HTR2C: variants seen among roughly 807,000 people sequenced by gnomAD.
The protein encoded by HTR2C is 5-hydroxytryptamine (serotonin) receptor 2C, G protein-coupled.
In HTR2C, 5 loss-of-function variants were observed where a neutral mutation model predicts 21.0. The observed-to-expected ratio is 0.24, with a 90% CI of 0.12 to 0.50. HTR2C has a LOEUF of 0.50. Ranked by LOEUF, HTR2C falls within the 20% of genes least tolerant of loss-of-function variation. The probability of loss-of-function intolerance (pLI) is 0.98; values close to 1 mark genes in which losing one functional copy is unlikely to be tolerated. For synonymous variants in HTR2C, 150 were observed against 145.3 expected (o/e 1.03, Z -0.23); for missense variants, 271 against 371.2 (o/e 0.73, Z 2.22).
At chrX:114,604,742 G>A (rs1487979763) in intron 1 of HTR2C, among the ~76,000 whole-genome samples, 1 of 111,117 alleles carries the variant, frequency 9.0e-6, no homozygotes, top group Non-Finnish European at 1.9e-5. Flanking sequence ...TTGGCCTGGT[G>A]GTCAGATTTC....
chrX:114,876,487 G>T (rs782309579), intron 5 of HTR2C, among the ~76,000 whole-genome samples: 210 of 83,483 alleles, frequency 2.5e-3, no homozygotes, highest in African/African-American at 8.6e-3. Flanking sequence ...GAATAGAAGT[G>T]GCACGAGTGG....
chrX:114,638,100 T>A (rs1929921130), intron 2 of HTR2C, among the ~76,000 whole-genome samples: 1 of 111,413 alleles, frequency 9.0e-6, no homozygotes, highest in African/African-American at 3.3e-5. Flanking sequence ...ATGACTCAGG[T>A]TAAACAGAAT....
intron 5 of HTR2C, among the ~76,000 whole-genome samples, chrX:114,855,233 T>A (rs782753617): frequency 1.7e-4 from 19 of 111,610 alleles, no homozygotes; most frequent in African/African-American, 5.8e-4. Context: ...TACATTAAAA[T>A]CCACTAATGT....
At position 114,727,060 on chromosome X, in the gene HTR2C, C is replaced by A. The variant is rs187644379; in HGVS notation, c.35+89C>A. ...TGTTAAAAAAATGCTTCTATATGAT[C>A]AGCTATATTTGCCTAAATCTGCATA... On this transcript the variant is annotated intron_variant, in intron 3 of 5. Transcript: ENST00000276198. 153 of 518,341 alleles carry A rather than the reference C, an allele frequency of 3.0e-4. 1 individual carries two copies. In the East Asian group the frequency reaches 6.7e-3, roughly 23 times the overall value. The allele number at this position is 518,341 out of a possible 1,213,427, so 42.7% of individuals were successfully genotyped here.
At chrX:114,700,273 C>T (rs1299014309) in intron 2 of HTR2C, among the ~76,000 whole-genome samples, 1 of 111,491 alleles carries the variant, frequency 9.0e-6, no homozygotes, top group Non-Finnish European at 1.9e-5. Context: ...AATGTATGAC[C>T]TCCATTAAAA....
chrX:114,834,864 T>G (rs1463919154), intron 4 of HTR2C, among the ~76,000 whole-genome samples: 6 of 109,860 alleles, frequency 5.5e-5, no homozygotes, highest in Non-Finnish European at 9.5e-5. Context: ...TTTCCATGTT[T>G]AGCGCTTCCT....
intron 2 of HTR2C, among the ~76,000 whole-genome samples, chrX:114,676,245 TAA>T (rs1931558611): frequency 8.9e-6 from 1 of 111,782 alleles, no homozygotes; most frequent in Non-Finnish European, 1.9e-5. Flanking sequence ...CCTGCAATCA[TAA>T]GTTTTGTCTG....
At chrX:114,630,779 C>A (rs781809587) in intron 2 of HTR2C, 1 of 343,972 alleles carries the variant, frequency 2.9e-6, no homozygotes, top group Non-Finnish European at 5.7e-6. Context: ...GGGGCCCCAA[C>A]CCCAGCTCTG....
rs1930272208 is a variant in HTR2C, at chrX:114,644,367, ATATATATATATATATATATATAT to A, written c.-80+30487_-80+30509del. On this transcript the variant is annotated intron_variant, in intron 2 of 5. Transcript: ENST00000276198. ...CTAAAATAAATAAATAAATAAATATATATATATATATATATATATATATATATATATATATATATATTTCTGAG... is the reference window on the plus strand; with the variant it reads ...CTAAAATAAATAAATAAATAAATATAATATATATATATATATATTTCTGAG... Among the ~76,000 whole-genome samples, 10 of 48,414 alleles carry A rather than the reference ATATATATATATATATATATATAT, an allele frequency of 2.1e-4. No individual in the cohort carries two copies. The East Asian group carries it at 2.5e-3, about 12-fold the overall frequency. 42.0% of individuals were successfully genotyped at this position (48,414 alleles called of 115,157 possible). A position where few individuals can be genotyped will look rare whatever the true frequency, so the allele number is the denominator to read the frequency against.
At chrX:114,631,024 G>A (rs782600339) in intron 2 of HTR2C, 1 of 222,243 alleles carries the variant, frequency 4.5e-6, no homozygotes, top group Non-Finnish European at 9.2e-6. Flanking sequence ...GACTATGTCT[G>A]GCCGGGCGCG....
At chrX:114,586,123 C>CT (rs1288510722) in intron 1 of HTR2C, among the ~76,000 whole-genome samples, 5 of 111,960 alleles carry the variant, frequency 4.5e-5, no homozygotes. Context: ...GTGTAGTTGG[C>CT]TACATATGTG....
At chrX:114,805,874 TAC>T (rs1232138474) in intron 4 of HTR2C, among the ~76,000 whole-genome samples, 3 of 10,306 alleles carry the variant, frequency 2.9e-4, no homozygotes, top group African/African-American at 8.2e-4. Flanking sequence ...ACCATATATA[TAC>T]ACCATATGTA....
intron 4 of HTR2C, among the ~76,000 whole-genome samples, chrX:114,757,494 G>A (rs2069825131): frequency 1.8e-5 from 2 of 111,433 alleles, no homozygotes; most frequent in Admixed American, 1.9e-4. Context: ...ATAAGGCCAA[G>A]TCTTTATCTT....
chrX:114,771,921 G>T (rs2070008055), intron 4 of HTR2C, among the ~76,000 whole-genome samples: 1 of 112,145 alleles, frequency 8.9e-6, no homozygotes, highest in African/African-American at 3.2e-5. Context: ...TATTGAAAGT[G>T]TTCTAAGGAT....
At chrX:114,630,125 T>A (rs1409791704) in intron 2 of HTR2C, among the ~76,000 whole-genome samples, 5 of 111,775 alleles carry the variant, frequency 4.5e-5, no homozygotes, top group Non-Finnish European at 9.4e-5. Context: ...ACAGGAAAGA[T>A]GTATCATTGT....
At chrX:114,905,983 CAG>C (rs1427191621) in intron 5 of HTR2C, among the ~76,000 whole-genome samples, 4 of 111,370 alleles carry the variant, frequency 3.6e-5, no homozygotes, top group Non-Finnish European at 7.5e-5. Flanking sequence ...TGCTCATGCC[CAG>C]AGACTCAAAA....
chrX:114,584,432 C>CG lies in HTR2C; in HGVS notation c.-368dup. On this transcript the variant is annotated 5_prime_UTR_variant, in exon 1 of 6. Transcript: ENST00000276198. The stretch of plus-strand genomic sequence containing the variant: ...CGGAGCGAAAAGAGCCAAACCTAGC[C>CG]GGGGGGCGCACGGTCACCCAAAGGA... 1 of 114,272 alleles carries CG rather than the reference C, an allele frequency of 8.8e-6. No homozygotes were observed. 9.4% of individuals were successfully genotyped at this position (114,272 alleles called of 1,213,427 possible).
intron 1 of HTR2C, among the ~76,000 whole-genome samples, chrX:114,611,332 A>T (rs1556398588): frequency 2.7e-5 from 3 of 111,725 alleles, no homozygotes; most frequent in Non-Finnish European, 5.6e-5. Flanking sequence ...ACAGGTCATT[A>T]ATGTGTATTG....
intron 2 of HTR2C, among the ~76,000 whole-genome samples, chrX:114,708,005 G>A (rs1556418624): frequency 9.0e-6 from 1 of 110,853 alleles, no homozygotes; most frequent in Admixed American, 9.7e-5. Context: ...TGAAGCCAAA[G>A]TAAAAAATCC....
Sources: gnomAD v4.1 joint callset for allele counts (sites outside exome capture counted in the v4.1 genomes callset) on GRCh38, gnomAD v4.1.1 for gene constraint, MANE v1.5 for transcripts, NCBI Gene and HGNC (gene_info 2026-07-23, HGNC 2026-07-21) for gene names.